MAPRE1: variants seen among roughly 807,000 people sequenced by gnomAD.
MAPRE1 encodes the protein microtubule associated protein RP/EB family member 1.
MAPRE1 carries 5 observed loss-of-function variants against 32.1 expected under a neutral mutation model. The observed-to-expected ratio is 0.16, with a 90% CI of 0.08 to 0.33. The LOEUF (loss-of-function observed/expected upper bound fraction) is 0.33. MAPRE1 is among the 10% of genes least tolerant of loss of function. The pLI, the probability that MAPRE1 is intolerant of heterozygous loss-of-function variation, is 1.00. For synonymous variants in MAPRE1, 122 were observed against 118.9 expected (o/e 1.03, Z -0.17); for missense variants, 209 against 327.2 (o/e 0.64, Z 2.79).
At chr20:32,838,154 C>G (rs572466163) in intron 4 of MAPRE1, among the ~76,000 whole-genome samples, 29 of 152,224 alleles carry the variant, frequency 1.9e-4, no homozygotes, top group African/African-American at 6.3e-4. Context: ...AGCTTTACCC[C>G]CTCCCTCCAG....
Position 32,833,082 on chromosome 20 carries a change from A to C in MAPRE1, c.122-635A>C, listed in dbSNP as rs74994911. On this transcript the variant is annotated intron_variant, in intron 2 of 6. Transcript: ENST00000375571. ...TTGGGCGTTGGTGGCACGTGCCTAT[A>C]GTCCCGCTACTCCAGAGGCTGAGGT... Among the ~76,000 whole-genome samples, 328 of 152,240 alleles carry C rather than the reference A, an allele frequency of 2.2e-3. 1 individual carries two copies. Among genetic ancestry groups the C allele is most frequent in the Non-Finnish European group, 2.5e-3 (170 of 68,024 alleles).
At chr20:32,829,320 T>C (rs1982954913) in intron 2 of MAPRE1, among the ~76,000 whole-genome samples, 1 of 152,246 alleles carries the variant, frequency 6.6e-6, no homozygotes, top group Non-Finnish European at 1.5e-5. Flanking sequence ...AACAAACTTG[T>C]TCATTCATAA....
intron 5 of MAPRE1, among the ~76,000 whole-genome samples, chr20:32,840,885 A>G (rs575922364): frequency 5.9e-5 from 9 of 152,066 alleles, no homozygotes; most frequent in Non-Finnish European, 1.0e-4. Flanking sequence ...GCGTGATCTC[A>G]GCTCACTGCA....
At chr20:32,840,236 T>C (rs144675093) in intron 5 of MAPRE1, among the ~76,000 whole-genome samples, 497 of 152,312 alleles carry the variant, frequency 3.3e-3, no homozygotes, top group African/African-American at 0.012. Context: ...CTGGGGTCAC[T>C]GGAGATTGGA....
At chr20:32,821,390 G>A (rs1025135400) in intron 1 of MAPRE1, among the ~76,000 whole-genome samples, 40 of 152,204 alleles carry the variant, frequency 2.6e-4, no homozygotes, top group Admixed American at 9.2e-4. Flanking sequence ...AGCCCAGCAA[G>A]TGGCTGAACC....
chr20:32,848,252 C>G (rs112252474), intron 6 of MAPRE1, among the ~76,000 whole-genome samples: 1 of 151,998 alleles, frequency 6.6e-6, no homozygotes, highest in Non-Finnish European at 1.5e-5. Flanking sequence ...CTGTGTTACC[C>G]AGGCTGGTCT....
chr20:32,841,121 C>T (rs1983346631), intron 5 of MAPRE1, among the ~76,000 whole-genome samples: 1 of 152,204 alleles, frequency 6.6e-6, no homozygotes, highest in Non-Finnish European at 1.5e-5. Context: ...GCCCACATTT[C>T]ACTTTTTCGT....
At position 32,848,776 on chromosome 20, in the gene MAPRE1, G is replaced by T; in HGVS notation, c.*48G>T. 1 of 1,508,850 alleles carries T rather than the reference G, an allele frequency of 6.6e-7. No individual in the cohort carries two copies. The highest frequency in any genetic ancestry group is 2.3e-5 in the East Asian group (1 of 43,652). 93.5% of individuals were successfully genotyped at this position (1,508,850 alleles called of 1,614,324 possible). A position where few individuals can be genotyped will look rare whatever the true frequency, so the allele number is the denominator to read the frequency against. ...ATCGGAATTCTTCACTCCAAATCATGTGCTTAACTGTAAAATACTCCCTTT... is the reference window on the plus strand; with the variant it reads ...ATCGGAATTCTTCACTCCAAATCATTTGCTTAACTGTAAAATACTCCCTTT... On this transcript the variant is annotated 3_prime_UTR_variant, in exon 7 of 7. Transcript: ENST00000375571.
At chr20:32,837,171 C>T (rs533341832) in intron 4 of MAPRE1, among the ~76,000 whole-genome samples, 2 of 152,340 alleles carry the variant, frequency 1.3e-5, no homozygotes, top group East Asian at 3.9e-4. Context: ...CAGGCTAGCT[C>T]ATGTAAGAGA....
chr20:32,821,736 A>T (rs1470978044), intron 1 of MAPRE1, among the ~76,000 whole-genome samples: 1 of 152,166 alleles, frequency 6.6e-6, no homozygotes, highest in Non-Finnish European at 1.5e-5. Context: ...CATAGGGCTT[A>T]TTGTGGTGCC....
intron 2 of MAPRE1, among the ~76,000 whole-genome samples, chr20:32,832,807 CTTTTTTTTTTT>C (rs35277682): frequency 3.4e-5 from 2 of 58,778 alleles, no homozygotes; most frequent in East Asian, 6.4e-4. Context: ...CAGAGTTTCG[CTTTTTTTTTTT>C]TTTTTTTTTT....
chr20:32,826,927 A>G (rs1479753182), intron 2 of MAPRE1, among the ~76,000 whole-genome samples: 2 of 152,064 alleles, frequency 1.3e-5, no homozygotes, highest in African/African-American at 4.8e-5. Context: ...GGTGTCTATT[A>G]TTGTGCATCC....
chr20:32,846,500 T>G (rs1983509598), intron 5 of MAPRE1, 118 bp from the exon 6 acceptor site: 1 of 926,898 alleles, frequency 1.1e-6, no homozygotes. Flanking sequence ...ACTGATGTGG[T>G]TTTTGTCTGT....
At chr20:32,828,534 TG>T in intron 2 of MAPRE1, among the ~76,000 whole-genome samples, 1 of 152,266 alleles carries the variant, frequency 6.6e-6, no homozygotes, top group South Asian at 2.1e-4. Flanking sequence ...CTCTGAGCCA[TG>T]TGACTTTTGA....
chr20:32,837,406 G>A (rs923458832), intron 4 of MAPRE1, among the ~76,000 whole-genome samples: 3 of 152,212 alleles, frequency 2.0e-5, no homozygotes, highest in African/African-American at 7.2e-5. Flanking sequence ...TGCTAGCAGA[G>A]TCAGGGGCGG....
At chr20:32,836,340 G>A (rs1468681895) in intron 3 of MAPRE1, among the ~76,000 whole-genome samples, 1 of 152,186 alleles carries the variant, frequency 6.6e-6, no homozygotes, top group African/African-American at 2.4e-5. Flanking sequence ...TTTGTATCAC[G>A]TCTTACGATG....
chr20:32,833,901 T>C, intron 3 of MAPRE1, 39 bp downstream of exon 3: 1 of 1,577,886 alleles, frequency 6.3e-7, no homozygotes, highest in Non-Finnish European at 8.7e-7. Flanking sequence ...TAATGTTCCT[T>C]AATGATCGTT....
At position 32,848,904 on chromosome 20, in the gene MAPRE1, T is replaced by G; in HGVS notation, c.*176T>G. 1 of 528,782 alleles carries G rather than the reference T, an allele frequency of 1.9e-6. No homozygotes were observed. 32.8% of individuals were successfully genotyped at this position (528,782 alleles called of 1,614,324 possible). On this transcript the variant is annotated 3_prime_UTR_variant, in exon 7 of 7. Coordinates refer to ENST00000375571, the MANE Select transcript of MAPRE1 (RefSeq NM_012325.3). ...TCACTCCTTTTCCAATAAGTTTGAG[T>G]TAGGAGCTTTTACCTTGTAGCAGAG...
rs200483593 is a variant in MAPRE1 at position 32,848,514 on chromosome 20, GATGCAATTCT to G, written c.751-156_751-147del. Among the ~76,000 whole-genome samples the G allele has an allele frequency of 3.7e-3, 561 of 152,288 alleles. 17 individuals are homozygous for G. The highest frequency in any genetic ancestry group is 0.028 in the Admixed American group (425 of 15,300). ...TGTGCTCAGTTTTTGTCTTTGGTGA[GATGCAATTCT>G]ACTACCCAAGAAATAAAATAGCAGT... On this transcript the variant is annotated intron_variant, in intron 6 of 6. Transcript: ENST00000375571.
Sources: allele counts gnomAD v4.1 joint callset (sites outside exome capture counted in the v4.1 genomes callset), GRCh38; gene constraint gnomAD v4.1.1; transcripts MANE v1.5; gene names NCBI Gene and HGNC (gene_info 2026-07-23, HGNC 2026-07-21).